The following TNFRSF21 variants were observed in gnomAD, a reference collection of about 807,000 sequenced individuals.
The protein encoded by TNFRSF21 is tumor necrosis factor receptor superfamily member 21.
A neutral mutation model predicts 45.6 loss-of-function variants in TNFRSF21; 19 were observed. The ratio of observed to expected loss-of-function variants is 0.42; its 90% CI spans 0.29 to 0.61. TNFRSF21 has a LOEUF of 0.61. TNFRSF21 is among the 20% of genes least tolerant of loss of function. TNFRSF21 has a pLI of 0.23. For missense variants in TNFRSF21, 737 were observed against 851.5 expected, an observed-to-expected ratio of 0.87 and a Z score of 1.67; for synonymous variants, 314 against 335.5, an observed-to-expected ratio of 0.94 and a Z score of 0.70.
intron 3 of TNFRSF21, among the ~76,000 whole-genome samples, chr6:47,283,574 G>A (rs547456806): frequency 3.7e-4 from 56 of 152,270 alleles, no homozygotes; most frequent in Non-Finnish European, 7.6e-4. Context: ...CGTCCCATCT[G>A]TCCTCAAAAA....
intron 4 of TNFRSF21, among the ~76,000 whole-genome samples, chr6:47,251,689 T>C (rs1764903405): frequency 6.6e-6 from 1 of 152,174 alleles, no homozygotes; most frequent in Admixed American, 6.5e-5. Context: ...GTCTTCCAGC[T>C]CTCTCCTTAA....
chr6:47,253,050 T>C (rs891980550), intron 4 of TNFRSF21, among the ~76,000 whole-genome samples: 4 of 151,968 alleles, frequency 2.6e-5, no homozygotes, highest in African/African-American at 9.7e-5. Context: ...TTTTTAAAGT[T>C]TTCTAGATGA....
At chr6:47,287,323 A>AAAAG (rs1762665101) in intron 1 of TNFRSF21, among the ~76,000 whole-genome samples, 1 of 142,270 alleles carries the variant, frequency 7.0e-6, no homozygotes, top group South Asian at 2.3e-4. Flanking sequence ...AAAAAAAAAA[A>AAAAG]AAAAAAAAAA....
intron 5 of TNFRSF21, among the ~76,000 whole-genome samples, chr6:47,234,445 C>G (rs1669527107): frequency 6.6e-6 from 1 of 152,234 alleles, no homozygotes; most frequent in African/African-American, 2.4e-5. Context: ...TAGCTCTCCA[C>G]CGGGCAGTGC....
Position 47,231,960 on chromosome 6 carries a change from G to A in TNFRSF21, c.*805C>T, listed in dbSNP as rs953731685. Reference sequence around the variant, plus strand: ...TCAAATCCTAAAAGGTGAAGTTCAAGTTCTTTGGTGGCCCAGTTGTCAAGC... The same window carrying A: ...TCAAATCCTAAAAGGTGAAGTTCAAATTCTTTGGTGGCCCAGTTGTCAAGC... On this transcript the variant is annotated 3_prime_UTR_variant, in exon 6 of 6. Transcript: ENST00000296861. 6.6e-6 allele frequency: 1 copy of A among 152,670 alleles called. No homozygotes were observed. Among genetic ancestry groups the A allele is most frequent in the African/African-American group, 2.4e-5 (1 of 41,460 alleles). 9.5% of individuals were successfully genotyped at this position (152,670 alleles called of 1,614,324 possible). A position where few individuals can be genotyped will look rare whatever the true frequency, so the allele number is the denominator to read the frequency against.
chr6:47,234,961 T>A (rs1764645660), intron 4 of TNFRSF21, 63 bp from the exon 5 acceptor site: 1 of 962,510 alleles, frequency 1.0e-6, no homozygotes, highest in Non-Finnish European at 1.4e-6. Context: ...TTAAAATCCC[T>A]CCTCAGAGGC....
rs201364159 is a variant in TNFRSF21 at position 47,253,223 on chromosome 6, G to T, written c.1509+33C>A. ...ATTTGAAGCATAGGGGCAATAGGTC[G>T]GTGGTAATGACACACAACAAGGGCT... is the stretch of plus-strand genomic sequence containing the variant. On this transcript the variant is annotated intron_variant, in intron 4 of 5. Transcript: ENST00000296861. 6.9e-6 allele frequency: 11 copies of T among 1,602,032 alleles called. No homozygotes were observed. In the South Asian group the frequency reaches 1.1e-4, roughly 16 times the overall value.
intron 1 of TNFRSF21, 60 bp downstream of exon 1, chr6:47,309,356 C>A: frequency 6.7e-7 from 1 of 1,493,614 alleles, no homozygotes; most frequent in Non-Finnish European, 8.9e-7. Context: ...GCCCGGCTCC[C>A]GGAGAGCGGT....
chr6:47,291,391 G>A (rs533319785), intron 1 of TNFRSF21, among the ~76,000 whole-genome samples: 1 of 152,222 alleles, frequency 6.6e-6, no homozygotes, highest in East Asian at 1.9e-4. Flanking sequence ...AGGGGTATGC[G>A]GGAGAGTAGA....
intron 3 of TNFRSF21, among the ~76,000 whole-genome samples, chr6:47,257,672 T>C (rs1765007818): frequency 6.6e-6 from 1 of 152,242 alleles, no homozygotes; most frequent in South Asian, 2.1e-4. Flanking sequence ...TTCAAAGGTA[T>C]TCATAAAGTT....
Position 47,286,463 on chromosome 6 carries a change from A to G in TNFRSF21, c.229T>C (p.Ser77Pro). ...AGGCTTGTGTTGGTACAATGCTCAG[A>G]GACATAGGTTCCTGCTGGACACTTG... ...CDKCPAGTYVSEHCTNTSLRV... is the reference protein window; with the variant it reads ...CDKCPAGTYVPEHCTNTSLRV... The change falls in exon 2 of 6, where the codon TCT (serine) becomes CCT (proline). Residue 77 changes from serine (S) to proline (P), a missense_variant. Physicochemically the swap from Ser to Pro is moderately conservative, Grantham distance 74 (BLOSUM62 -1). Transcript: ENST00000296861. 1.9e-6 allele frequency: 3 copies of G among 1,614,230 alleles called. No individual in the cohort carries two copies. Among genetic ancestry groups the G allele is most frequent in the Non-Finnish European group, 2.5e-6 (3 of 1,180,040 alleles).
At chr6:47,260,918 A>C (rs1029598161) in intron 3 of TNFRSF21, among the ~76,000 whole-genome samples, 6 of 152,196 alleles carry the variant, frequency 3.9e-5, no homozygotes, top group African/African-American at 1.2e-4. Flanking sequence ...CTAGAAAGAG[A>C]GTGTAAAGGG....
At chr6:47,282,401 A>C (rs988436482) in intron 3 of TNFRSF21, among the ~76,000 whole-genome samples, 8 of 150,590 alleles carry the variant, frequency 5.3e-5, no homozygotes, top group Non-Finnish European at 8.8e-5. Context: ...AAAATAAAAA[A>C]AAAAAACCCT....
intron 1 of TNFRSF21, among the ~76,000 whole-genome samples, chr6:47,289,950 C>G (rs573030744): frequency 6.6e-6 from 1 of 152,096 alleles, no homozygotes; most frequent in South Asian, 2.1e-4. Context: ...GCCGAGATTG[C>G]GCCACTTTAC....
chr6:47,253,089 G>A (rs1056784056), intron 4 of TNFRSF21, among the ~76,000 whole-genome samples, 167 bp downstream of exon 4: 3 of 151,598 alleles, frequency 2.0e-5, no homozygotes, highest in Non-Finnish European at 4.4e-5. Flanking sequence ...GAGAACCCCC[G>A]TCCTAGAAGG....
intron 1 of TNFRSF21, among the ~76,000 whole-genome samples, chr6:47,300,328 C>T (rs2113870218): frequency 6.6e-6 from 1 of 152,298 alleles, no homozygotes; most frequent in South Asian, 2.1e-4. Context: ...TTCAATATCA[C>T]CTGCTCCTTC....
At chr6:47,291,588 G>A (rs1477959369) in intron 1 of TNFRSF21, among the ~76,000 whole-genome samples, 1 of 152,182 alleles carries the variant, frequency 6.6e-6, no homozygotes, top group African/African-American at 2.4e-5. Context: ...GGACTTAAGA[G>A]AGCACTGGAC....
intron 1 of TNFRSF21, among the ~76,000 whole-genome samples, chr6:47,297,300 A>T (rs1762801578): frequency 6.6e-6 from 1 of 152,170 alleles, no homozygotes; most frequent in Admixed American, 6.5e-5. Flanking sequence ...AATTAGCAAT[A>T]CCTACTCTTC....
chr6:47,301,771 A>G (rs1252644751), intron 1 of TNFRSF21, among the ~76,000 whole-genome samples: 2 of 152,232 alleles, frequency 1.3e-5, no homozygotes, highest in East Asian at 1.9e-4. Context: ...GAAGCCAAAC[A>G]GATGCTAAAT....
Sources: gnomAD v4.1 joint callset for allele counts (sites outside exome capture counted in the v4.1 genomes callset) on GRCh38, gnomAD v4.1.1 for gene constraint, MANE v1.5 for transcripts, NCBI Gene and HGNC (gene_info 2026-07-23, HGNC 2026-07-21) for gene names.